MYOM1: variants seen among roughly 807,000 people sequenced by gnomAD.
MYOM1 encodes the protein myomesin-1.
A neutral mutation model predicts 205.3 loss-of-function variants in MYOM1; 164 were observed. The ratio of observed to expected loss-of-function variants is 0.80; its 90% CI spans 0.70 to 0.91. The LOEUF is 0.91. Among genes scored for constraint, MYOM1 ranks in the 40% least tolerant of loss-of-function variants. The pLI, the probability that MYOM1 is intolerant of heterozygous loss-of-function variation, is 0.00. For synonymous variants in MYOM1, 772 were observed against 789.4 expected (o/e 0.98, Z 0.37); for missense variants, 2,011 against 2,127.3 (o/e 0.95, Z 1.08).
chr18:3,117,504 A>G (rs1351375885), intron 20 of MYOM1, among the ~76,000 whole-genome samples: 2 of 152,236 alleles, frequency 1.3e-5, no homozygotes, highest in Non-Finnish European at 2.9e-5. Flanking sequence ...AGAGAAGCCA[A>G]GACACTTCAT....
intron 36 of MYOM1, among the ~76,000 whole-genome samples, chr18:3,075,152 T>C (rs2079007514): frequency 6.6e-6 from 1 of 152,162 alleles, no homozygotes; most frequent in Admixed American, 6.5e-5. Flanking sequence ...TATGAAACAC[T>C]GTACCTGCAA....
At chr18:3,188,062 C>T (rs868741658) in intron 4 of MYOM1, among the ~76,000 whole-genome samples, 5 of 151,612 alleles carry the variant, frequency 3.3e-5, no homozygotes, top group Non-Finnish European at 4.4e-5. Flanking sequence ...AGGCTGGTCT[C>T]GAACTCCTGT....
At position 3,126,844 on chromosome 18, in the gene MYOM1, T is replaced by C. The variant is rs184774935; in HGVS notation, c.2848A>G (p.Met950Val). 121 of 1,613,338 alleles carry C rather than the reference T, an allele frequency of 7.5e-5. No individual in the cohort carries two copies. The highest frequency in any genetic ancestry group is 6.7e-4 in the African/African-American group (50 of 75,026). ...ITCLESFRDS[M>V]VLGWKQPDKI... The stretch of plus-strand genomic sequence containing the variant: ...TCTGGTTGCTTCCATCCAAGAACCA[T>C]TGAGTCACGAAAACTTTCAAGACAG... Residue 950 changes from methionine to valine, a missense_variant, in exon 19 of 38, where the codon ATG becomes GTG. Physicochemically the swap from Met to Val is conservative, Grantham distance 21 (BLOSUM62 1). Coordinates refer to ENST00000356443, the MANE Select transcript of MYOM1 (RefSeq NM_003803.4).
At chr18:3,200,703 T>A (rs2081054576) in intron 2 of MYOM1, among the ~76,000 whole-genome samples, 1 of 150,920 alleles carries the variant, frequency 6.6e-6, no homozygotes, top group Non-Finnish European at 1.5e-5. Context: ...GATAAAAGAA[T>A]AAAGAAAAAT....
chr18:3,082,900 G>A (rs549993194), intron 33 of MYOM1, among the ~76,000 whole-genome samples: 72 of 152,298 alleles, frequency 4.7e-4, no homozygotes, highest in African/African-American at 1.4e-3. Flanking sequence ...ACATGCTAAT[G>A]TCTCACTCTG....
At chr18:3,154,586 A>G (rs570822744) in intron 11 of MYOM1, among the ~76,000 whole-genome samples, 127 of 151,194 alleles carry the variant, frequency 8.4e-4, no homozygotes, top group Admixed American at 1.5e-3. Flanking sequence ...GCACTCAATT[A>G]GAAATCAGCG....
At chr18:3,173,752 A>G (rs960945505) in intron 8 of MYOM1, among the ~76,000 whole-genome samples, 186 bp downstream of exon 8, 1 of 152,212 alleles carries the variant, frequency 6.6e-6, no homozygotes, top group Non-Finnish European at 1.5e-5. Context: ...AATTCGATTC[A>G]GAAAGAGAAC....
At chr18:3,106,088 T>C (rs2079448066) in intron 22 of MYOM1, among the ~76,000 whole-genome samples, 2 of 152,204 alleles carry the variant, frequency 1.3e-5, no homozygotes, top group South Asian at 4.1e-4. Flanking sequence ...ACTCTTTACA[T>C]AGCGTTTACA....
At position 3,067,125 on chromosome 18, in the gene MYOM1, T is replaced by C; in HGVS notation, c.*137A>G. The C allele has an allele frequency of 2.2e-6, 2 of 927,978 alleles. No individual in the cohort carries two copies. Among genetic ancestry groups the C allele is most frequent in the Non-Finnish European group, 3.2e-6 (2 of 634,250 alleles). 57.5% of individuals were successfully genotyped at this position (927,978 alleles called of 1,614,324 possible). On this transcript the variant is annotated 3_prime_UTR_variant, in exon 38 of 38. Transcript: ENST00000356443. ...TGTCATTAGTTGGTGCTTTTTTATA[T>C]GAGTGAAAGACCTGACATTATTTTC...
chr18:3,158,692 T>C (rs2080337389), intron 10 of MYOM1, among the ~76,000 whole-genome samples: 1 of 152,116 alleles, frequency 6.6e-6, no homozygotes, highest in Non-Finnish European at 1.5e-5. Context: ...TAGTTCCCGG[T>C]GGCTTTGACC....
chr18:3,087,797 CT>C (rs2143699501), intron 29 of MYOM1, among the ~76,000 whole-genome samples: 1 of 152,144 alleles, frequency 6.6e-6, no homozygotes, highest in South Asian at 2.1e-4. Flanking sequence ...GCCCCTCCTA[CT>C]TTTTATTTAT....
At chr18:3,197,913 G>A (rs182867968) in intron 2 of MYOM1, among the ~76,000 whole-genome samples, 42 of 152,136 alleles carry the variant, frequency 2.8e-4, no homozygotes, top group Admixed American at 2.6e-4. Context: ...TTACTATTTC[G>A]TTCTATACTC....
the MYOM1 span, among the ~76,000 whole-genome samples, chr18:3,232,378 T>C: frequency 6.6e-6 from 1 of 152,176 alleles, no homozygotes; most frequent in African/African-American, 2.4e-5. Flanking sequence ...ATAACCACTT[T>C]ACTAGTCAAA....
chr18:3,155,440 G>T (rs1260723523), intron 10 of MYOM1, among the ~76,000 whole-genome samples: 1 of 152,180 alleles, frequency 6.6e-6, no homozygotes, highest in Non-Finnish European at 1.5e-5. Context: ...TAGCCAGGAT[G>T]GTCTTGATCT....
chr18:3,125,516 G>A (rs2079766566), intron 19 of MYOM1, among the ~76,000 whole-genome samples: 1 of 151,766 alleles, frequency 6.6e-6, no homozygotes, highest in Admixed American at 6.6e-5. Context: ...CACTTTGGGA[G>A]GCTGAGGTGG....
chr18:3,195,296 C>G (rs974306400), intron 2 of MYOM1, among the ~76,000 whole-genome samples: 1 of 152,226 alleles, frequency 6.6e-6, no homozygotes, highest in Non-Finnish European at 1.5e-5. Context: ...GAATATCCAT[C>G]TCTTTTTCTA....
intron 34 of MYOM1, among the ~76,000 whole-genome samples, chr18:3,076,987 C>T (rs1352681507): frequency 2.0e-5 from 3 of 151,322 alleles, no homozygotes; most frequent in Admixed American, 6.6e-5. Flanking sequence ...GCTGGGATTA[C>T]AGGCGTGAGC....
the MYOM1 span, among the ~76,000 whole-genome samples, chr18:3,230,033 G>C: frequency 6.7e-6 from 1 of 148,526 alleles, no homozygotes; most frequent in East Asian, 2.0e-4. Flanking sequence ...ATCCTCAAAT[G>C]CGTTTAAAAA....
In MYOM1 at chr18:3,090,700, C is replaced by T. The variant is rs779964389; in HGVS notation, c.3967G>A (p.Gly1323Arg). 1.2e-6 allele frequency: 2 copies of T among 1,613,906 alleles called. No homozygotes were observed. The highest frequency in any genetic ancestry group is 1.7e-6 in the Non-Finnish European group (2 of 1,179,876). The change falls in exon 27 of 38, where the codon GGA (glycine) becomes AGA (arginine). Residue 1323 changes from glycine (G) to arginine (R), a missense_variant. Coordinates refer to ENST00000356443, the MANE Select transcript of MYOM1 (RefSeq NM_003803.4). ...EGTYTFQLQDGKATNHSTVVL... is the reference protein window; with the variant it reads ...EGTYTFQLQDRKATNHSTVVL... ...ACAGTAGAATGGTTAGTTGCTTTTC[C>T]ATCTTGAAGCTGGAAAGTGTACGTT... is the stretch of plus-strand genomic sequence containing the variant.
Sources: gnomAD v4.1 joint callset for allele counts (sites outside exome capture counted in the v4.1 genomes callset) on GRCh38, gnomAD v4.1.1 for gene constraint, MANE v1.5 for transcripts, NCBI Gene and HGNC (gene_info 2026-07-23, HGNC 2026-07-21) for gene names.